The following NECTIN1 variants were observed in gnomAD, a reference collection of about 807,000 sequenced individuals.
NECTIN1 encodes the protein nectin cell adhesion molecule 1, also known as nectin-1.
Under a neutral mutation model 48.0 loss-of-function variants are expected in NECTIN1, and 23 were observed. The ratio of observed to expected loss-of-function variants is 0.48; its 90% CI spans 0.34 to 0.68. The LOEUF is 0.68. Among genes scored for constraint, NECTIN1 ranks in the 30% least tolerant of loss-of-function variants. The pLI, the probability that NECTIN1 is intolerant of heterozygous loss-of-function variation, is 0.01. For missense variants in NECTIN1, 591 were observed against 709.9 expected, an observed-to-expected ratio of 0.83 and a Z score of 1.90; for synonymous variants, 270 against 288.9, an observed-to-expected ratio of 0.93 and a Z score of 0.66.
chr11:119,664,395 G>A lies in NECTIN1; in HGVS notation c.*352C>T, dbSNP rs59681945. 1.1e-3 allele frequency: 1,206 copies of A among 1,076,720 alleles called. 15 individuals are homozygous for A. In the East Asian group the frequency reaches 0.033, roughly 30 times the overall value. 66.7% of individuals were successfully genotyped at this position (1,076,720 alleles called of 1,614,324 possible). A position where few individuals can be genotyped will look rare whatever the true frequency, so the allele number is the denominator to read the frequency against. ...CAAACAAATTCCAGTGTAGGGGGGCGGGGGAGGCTGGCTCCCCAAACCCTG... is the reference window on the plus strand; with the variant it reads ...CAAACAAATTCCAGTGTAGGGGGGCAGGGGAGGCTGGCTCCCCAAACCCTG... On this transcript the variant is annotated 3_prime_UTR_variant, in exon 6 of 6. Transcript: ENST00000264025.
downstream of NECTIN1, among the ~76,000 whole-genome samples, chr11:119,657,526 A>G (rs1156704844): frequency 6.6e-6 from 1 of 150,922 alleles, no homozygotes; most frequent in Non-Finnish European, 1.5e-5. Context: ...GAGGTAGGAG[A>G]ATCACTTGAA....
At chr11:119,650,065 G>A (rs1864466404) in intron 5 of NECTIN1, among the ~76,000 whole-genome samples, 1 of 151,604 alleles carries the variant, frequency 6.6e-6, no homozygotes, top group African/African-American at 2.4e-5. Flanking sequence ...AGTCAAAGGG[G>A]GGTTGTTATC....
In NECTIN1 at chr11:119,678,861, C is replaced by T; in HGVS notation, c.80-96G>A. 3.7e-6 allele frequency: 3 copies of T among 813,076 alleles called. No homozygotes were observed. The South Asian group carries it at 4.4e-5, about 12-fold the overall frequency. The allele number at this position is 813,076 out of a possible 1,614,324, so 50.4% of individuals were successfully genotyped here. On this transcript the variant is annotated intron_variant, in intron 1 of 5. Coordinates refer to ENST00000264025, the MANE Select transcript of NECTIN1 (RefSeq NM_002855.5). The surrounding 1 kb of genome is among the most constrained non-coding windows in gnomAD (Gnocchi z 4.4). The stretch of plus-strand genomic sequence containing the variant: ...CTCTGGCCTTGTCTTTTATAGCAGT[C>T]ATTATTGTTTTTATTCCGATTGTAA...
chr11:119,665,006 C>T lies in NECTIN1; in HGVS notation c.1295G>A (p.Gly432Asp), dbSNP rs764091726. The T allele has an allele frequency of 1.5e-5, 25 of 1,613,850 alleles. No individual in the cohort carries two copies. The South Asian group carries it at 2.2e-4, about 14-fold the overall frequency. ...SDDEKKAGPLGGSSYEEEEEE... is the reference protein window; with the variant it reads ...SDDEKKAGPLDGSSYEEEEEE... ...CTCCTCCTCCTCATAGCTGCTTCCA[C>T]CCAGTGGGCCGGCCTTCTTCTCGTC... Residue 432 changes from glycine to aspartate, a missense_variant, in exon 6 of 6, where the codon GGT (glycine) becomes GAT (aspartate). By Grantham distance (94) the Gly-to-Asp change is moderately conservative. Transcript: ENST00000264025. The surrounding 1 kb of genome is among the most constrained non-coding windows in gnomAD (Gnocchi z 5.1).
At chr11:119,692,551 C>T (rs1424346699) in intron 1 of NECTIN1, among the ~76,000 whole-genome samples, 2 of 152,256 alleles carry the variant, frequency 1.3e-5, no homozygotes, top group Admixed American at 1.3e-4. Context: ...CCCTCCTTCC[C>T]TCCCTGGGGG....
At chr11:119,702,480 C>A (rs1380074818) in intron 1 of NECTIN1, among the ~76,000 whole-genome samples, 2 of 152,262 alleles carry the variant, frequency 1.3e-5, no homozygotes, top group East Asian at 3.8e-4. Flanking sequence ...GCTAACTCTG[C>A]TGCTGGGAAG....
At chr11:119,726,641 G>A (rs759672394) in intron 1 of NECTIN1, among the ~76,000 whole-genome samples, 10 of 152,154 alleles carry the variant, frequency 6.6e-5, no homozygotes, top group African/African-American at 2.4e-4. Flanking sequence ...CCCAATGAAG[G>A]AATTAACCAT....
intron 1 of NECTIN1, among the ~76,000 whole-genome samples, chr11:119,723,695 T>C (rs1865867333): frequency 6.6e-6 from 1 of 152,228 alleles, no homozygotes; most frequent in Non-Finnish European, 1.5e-5. Flanking sequence ...TGTTTTCTCA[T>C]ATCTCTTCCC....
In NECTIN1 at chr11:119,677,937, G is replaced by A. The variant is rs765715556; in HGVS notation, c.431-80C>T. On this transcript the variant is annotated intron_variant, in intron 2 of 5. Transcript: ENST00000264025. This position sits in a 1 kb window ranked among gnomAD's most constrained non-coding sequence, Gnocchi z 5.4. ...CACCGGCCAAAAGGGCGTGGCATCC[G>A]TCAGGCCTTGTCTTCAGGTCCCCTT... 651 of 1,411,736 alleles carry A rather than the reference G, an allele frequency of 4.6e-4. No individual in the cohort carries two copies. The highest frequency in any genetic ancestry group is 5.2e-4 in the Middle Eastern group (3 of 5,732). 87.5% of individuals were successfully genotyped at this position (1,411,736 alleles called of 1,614,324 possible).
chr11:119,687,995 C>T (rs1314228760), intron 1 of NECTIN1, among the ~76,000 whole-genome samples: 1 of 152,054 alleles, frequency 6.6e-6, no homozygotes, highest in African/African-American at 2.4e-5. Flanking sequence ...TGTAGAAGGC[C>T]TGACAGATGA....
intron 1 of NECTIN1, among the ~76,000 whole-genome samples, chr11:119,694,433 AAGCAAAT>A (rs1430449230): frequency 6.6e-6 from 1 of 152,180 alleles, no homozygotes; most frequent in Non-Finnish European, 1.5e-5. Flanking sequence ...GTCACCAGAT[AAGCAAAT>A]AGCTCAAGCC....
intron 5 of NECTIN1, among the ~76,000 whole-genome samples, chr11:119,666,648 C>T (rs1458533794): frequency 2.6e-5 from 4 of 152,240 alleles, no homozygotes; most frequent in African/African-American, 4.8e-5. Flanking sequence ...TGACCTCAGC[C>T]GCTCAGGCCC....
intron 1 of NECTIN1, among the ~76,000 whole-genome samples, chr11:119,712,414 G>A (rs1436795159): frequency 1.3e-5 from 2 of 149,262 alleles, no homozygotes; most frequent in Admixed American, 6.8e-5. Flanking sequence ...ATCTCTGGGG[G>A]CTTTGTGCAA....
In NECTIN1 at chr11:119,666,129, G is replaced by A. The variant is rs578013952; in HGVS notation, c.1004-832C>T. 2.2e-4 allele frequency among the ~76,000 whole-genome samples: 34 copies of A among 152,322 alleles called. 1 individual carries two copies. In the South Asian group the frequency reaches 6.0e-3, roughly 27 times the overall value. On this transcript the variant is annotated intron_variant, in intron 5 of 5. Coordinates refer to ENST00000264025, the MANE Select transcript of NECTIN1 (RefSeq NM_002855.5). ...CAGGGCACAAGCACAGGGCAAGGAC[G>A]GCAGAAATGGGGGTGAAAGCATGTG...
chr11:119,717,618 A>G (rs1865766644), intron 1 of NECTIN1, among the ~76,000 whole-genome samples: 1 of 152,118 alleles, frequency 6.6e-6, no homozygotes, highest in Non-Finnish European at 1.5e-5. Context: ...ACTCAGGGAG[A>G]TGCCTGTCCC....
At chr11:119,710,745 T>G (rs1378886023) in intron 1 of NECTIN1, among the ~76,000 whole-genome samples, 10 of 151,770 alleles carry the variant, frequency 6.6e-5, no homozygotes, top group African/African-American at 1.9e-4. Context: ...TGAGAGGAGT[T>G]TGAAGTGTAG....
chr11:119,656,215 T>C (rs1864570232), downstream of NECTIN1: 1 of 152,186 alleles, frequency 6.6e-6, no homozygotes, highest in Admixed American at 6.5e-5. Flanking sequence ...CTTTTGACTC[T>C]CATTTTGATC....
chr11:119,705,747 C>T (rs910380568), intron 1 of NECTIN1, among the ~76,000 whole-genome samples: 6 of 152,162 alleles, frequency 3.9e-5, no homozygotes, highest in Admixed American at 6.5e-5. Flanking sequence ...GAGCGCAGGC[C>T]GGGAGACTGG....
At chr11:119,674,618 C>A in intron 5 of NECTIN1, 1 of 1,614,264 alleles carries the variant, frequency 6.2e-7, no homozygotes, top group Non-Finnish European at 8.5e-7. Context: ...CTTGTCCTCC[C>A]TTTGCCCGGA....
Sources: gnomAD v4.1 joint callset for allele counts (sites outside exome capture counted in the v4.1 genomes callset) on GRCh38, gnomAD v4.1.1 for gene constraint, Gnocchi (gnomAD v3.1) non-coding constraint, MANE v1.5 for transcripts, NCBI Gene and HGNC (gene_info 2026-07-23, HGNC 2026-07-21) for gene names.